Variants in ROCK1 observed in about 807,000 individuals in gnomAD.
The protein encoded by ROCK1 is rho-associated protein kinase 1.
Under a neutral mutation model 196.8 loss-of-function variants are expected in ROCK1, and 36 were observed. The ratio of observed to expected loss-of-function variants is 0.18; its 90% CI spans 0.14 to 0.24. The LOEUF (loss-of-function observed/expected upper bound fraction) is 0.24, where lower values mean the gene tolerates loss of function less well. Among genes scored for constraint, ROCK1 ranks in the 10% least tolerant of loss-of-function variants. The pLI, the probability that ROCK1 is intolerant of heterozygous loss-of-function variation, is 1.00. For synonymous variants in ROCK1, 443 were observed against 515.9 expected (o/e 0.86, Z 1.91); for missense variants, 920 against 1,562.0 (o/e 0.59, Z 6.93).
intron 24 of ROCK1, 36 bp from the exon 25 acceptor site, chr18:20,968,896 ATTAAT>A (rs747658648): frequency 5.4e-6 from 7 of 1,306,418 alleles, no homozygotes; most frequent in Non-Finnish European, 7.7e-6. Flanking sequence ...ATTGTATGGT[ATTAAT>A]TTAATTTCTG....
At chr18:21,085,309 C>A (rs2036516853) in intron 1 of ROCK1, among the ~76,000 whole-genome samples, 1 of 116,846 alleles carries the variant, frequency 8.6e-6, no homozygotes, top group Admixed American at 1.3e-4. Context: ...CGCCTGAGCC[C>A]AGGAATTTCA....
intron 1 of ROCK1, among the ~76,000 whole-genome samples, chr18:21,087,674 G>T (rs777204557): frequency 6.6e-6 from 1 of 151,834 alleles, no homozygotes; most frequent in African/African-American, 2.4e-5. Context: ...CAACACAAGT[G>T]AAGCAAAACC....
chr18:21,014,065 CA>C (rs56355855), intron 13 of ROCK1, among the ~76,000 whole-genome samples: 15,213 of 69,852 alleles, frequency 0.22, 1,518 homozygotes, highest in African/African-American at 0.4. Context: ...GACTCTGTCT[CA>C]AAAAAAAAAA....
chr18:21,038,152 C>T (rs1304765404), intron 9 of ROCK1, among the ~76,000 whole-genome samples: 2 of 152,096 alleles, frequency 1.3e-5, no homozygotes, highest in African/African-American at 2.4e-5. Flanking sequence ...TGAATAAAAA[C>T]ACAAAAAGTG....
chr18:20,984,540 G>A lies in ROCK1; in HGVS notation c.2305-5C>T. 1 of 1,579,812 alleles carries A rather than the reference G, an allele frequency of 6.3e-7. No homozygotes were observed. The highest frequency in any genetic ancestry group is 8.6e-7 in the Non-Finnish European group (1 of 1,168,836). On this transcript the variant is annotated splice_region_variant and splice_polypyrimidine_tract_variant and intron_variant, in intron 19 of 32. Transcript: ENST00000399799. ...TTGCAGGGTTAGATTCTTAACCTAT[G>A]AATGAGAAAAATAATTGGGATCTTA...
intron 1 of ROCK1, among the ~76,000 whole-genome samples, chr18:21,077,174 C>A (rs1462859417): frequency 6.6e-6 from 1 of 151,662 alleles, no homozygotes; most frequent in Non-Finnish European, 1.5e-5. Context: ...GGGGTTTCAC[C>A]TTGTTAGCCA....
intron 29 of ROCK1, among the ~76,000 whole-genome samples, chr18:20,957,981 A>T (rs1402209385): frequency 6.6e-6 from 1 of 152,188 alleles, no homozygotes; most frequent in Non-Finnish European, 1.5e-5. Context: ...CGATTTTTTT[A>T]AATCTTGTAT....
intron 1 of ROCK1, among the ~76,000 whole-genome samples, chr18:21,109,791 G>T (rs1384756941): frequency 6.6e-6 from 1 of 152,068 alleles, no homozygotes; most frequent in Admixed American, 6.5e-5. Context: ...TTCAAGATGC[G>T]ATTTTTGAAT....
chr18:21,022,664 A>C (rs1229014366), intron 11 of ROCK1, among the ~76,000 whole-genome samples: 1 of 152,132 alleles, frequency 6.6e-6, no homozygotes, highest in African/African-American at 2.4e-5. Context: ...CTATGATGTC[A>C]GGCTTTCTCT....
intron 16 of ROCK1, among the ~76,000 whole-genome samples, chr18:21,003,146 A>G (rs1284390998): frequency 6.6e-6 from 1 of 152,200 alleles, no homozygotes; most frequent in Non-Finnish European, 1.5e-5. Context: ...GTCTAGTTTA[A>G]AGTACTACGG....
At chr18:21,066,807 TACCACAATTTATCC>T (rs2036338544) in intron 2 of ROCK1, among the ~76,000 whole-genome samples, 1 of 152,254 alleles carries the variant, frequency 6.6e-6, no homozygotes, top group African/African-American at 2.4e-5. Flanking sequence ...TATGTGGTTG[TACCACAATTTATCC>T]ATTGATCAGC....
At chr18:21,069,790 A>G (rs1450693833) in intron 2 of ROCK1, among the ~76,000 whole-genome samples, 2 of 152,126 alleles carry the variant, frequency 1.3e-5, no homozygotes, top group Non-Finnish European at 2.9e-5. Flanking sequence ...AATAATTAAA[A>G]CTTTTATACT....
intron 2 of ROCK1, among the ~76,000 whole-genome samples, chr18:21,066,712 T>C (rs932100596): frequency 1.2e-4 from 19 of 152,348 alleles, no homozygotes; most frequent in African/African-American, 3.6e-4. Flanking sequence ...GTCTGGCTTT[T>C]TTCACTTAAC....
chr18:21,110,751 G>T (rs1194807317), intron 1 of ROCK1, 67 bp downstream of exon 1: 2 of 1,264,998 alleles, frequency 1.6e-6, no homozygotes, highest in Non-Finnish European at 2.3e-6. Flanking sequence ...CAGCGAACCA[G>T]ACTAATGCAA....
rs1266553501 is a variant in ROCK1, at chr18:21,111,518, C to G, written c.-608G>C. On this transcript the variant is annotated 5_prime_UTR_variant, in exon 1 of 33. Transcript: ENST00000399799. This position sits in a 1 kb window ranked among gnomAD's most constrained non-coding sequence, Gnocchi z 4.2. ...AGCTGGTCCACGCAGGACAGCCTCA[C>G]TCTCCCATTTTGTCCCGTCGCTGCT... 1 of 194,440 alleles carries G rather than the reference C, an allele frequency of 5.1e-6. No individual in the cohort carries two copies. Among genetic ancestry groups the G allele is most frequent in the African/African-American group, 2.3e-5 (1 of 43,100 alleles). The allele number at this position is 194,440 out of a possible 1,614,324, so 12.0% of individuals were successfully genotyped here.
intron 16 of ROCK1, among the ~76,000 whole-genome samples, chr18:21,005,363 C>G (rs1376327909): frequency 1.3e-5 from 2 of 152,176 alleles, no homozygotes; most frequent in African/African-American, 4.8e-5. Context: ...TTACTACCAA[C>G]GATGCATGAG....
intron 20 of ROCK1, 143 bp from the exon 21 acceptor site, chr18:20,982,975 T>C: frequency 3.8e-6 from 2 of 521,066 alleles, no homozygotes; most frequent in South Asian, 5.6e-5. Flanking sequence ...TTATTCATTA[T>C]TTTACTAATT....
At chr18:21,004,765 T>C (rs975893724) in intron 16 of ROCK1, among the ~76,000 whole-genome samples, 3 of 152,206 alleles carry the variant, frequency 2.0e-5, no homozygotes, top group Non-Finnish European at 4.4e-5. Flanking sequence ...GCTAATAAGC[T>C]GTATAAAAAG....
intron 16 of ROCK1, among the ~76,000 whole-genome samples, chr18:20,996,251 C>T (rs2170343): frequency 0.036 from 5,487 of 152,048 alleles, 344 homozygotes; most frequent in African/African-American, 0.12. Context: ...GCTGAAATTC[C>T]GGAGTTGAAA....
Sources: allele counts gnomAD v4.1 joint callset (sites outside exome capture counted in the v4.1 genomes callset), GRCh38; gene constraint gnomAD v4.1.1; non-coding constraint Gnocchi (gnomAD v3.1); transcripts MANE v1.5; gene names NCBI Gene and HGNC (gene_info 2026-07-23, HGNC 2026-07-21).